The following RPS6KA2 variants were observed in gnomAD, a reference collection of about 807,000 sequenced individuals.
The protein encoded by RPS6KA2 is ribosomal protein S6 kinase A2, also known as ribosomal protein S6 kinase alpha-2.
Under a neutral mutation model 91.8 loss-of-function variants are expected in RPS6KA2, and 42 were observed. The ratio of observed to expected loss-of-function variants is 0.46; its 90% CI spans 0.36 to 0.59. The LOEUF (loss-of-function observed/expected upper bound fraction) is 0.59, where lower values mean the gene tolerates loss of function less well. RPS6KA2 is among the 20% of genes least tolerant of loss of function. RPS6KA2 has a pLI of 0.00. For missense variants in RPS6KA2, 798 were observed against 978.5 expected (o/e 0.82, Z 2.46); for synonymous variants, 414 against 393.6 (o/e 1.05, Z -0.61).
chr6:166,786,111 C>A (rs1401353319), intron 2 of RPS6KA2, among the ~76,000 whole-genome samples: 1 of 152,198 alleles, frequency 6.6e-6, no homozygotes, highest in Admixed American at 6.5e-5. Context: ...AACAGTGACT[C>A]CTCCAATCCA....
At chr6:166,547,779 C>T (rs563796893) in intron 1 of RPS6KA2, among the ~76,000 whole-genome samples, 1 of 152,314 alleles carries the variant, frequency 6.6e-6, no homozygotes, top group Non-Finnish European at 1.5e-5. Flanking sequence ...TAACTGAGTC[C>T]GTGTTTTAGA....
chr6:166,604,981 C>T lies in RPS6KA2; in HGVS notation c.99+21940G>A, dbSNP rs189914414. On this transcript the variant is annotated intron_variant, in intron 1 of 20. Coordinates refer to ENST00000265678, the MANE Select transcript of RPS6KA2 (RefSeq NM_021135.6). ...ATCTATAAGTCTCTAATAGACATTC[C>T]TATTTAAGTTTTAAAATATCATGCT... Among the ~76,000 whole-genome samples the T allele has an allele frequency of 3.7e-4, 57 of 152,104 alleles. No individual in the cohort carries two copies. In the East Asian group the frequency reaches 0.01, roughly 28 times the overall value.
At chr6:166,774,936 G>A (rs1042338288) in intron 2 of RPS6KA2, among the ~76,000 whole-genome samples, 91 of 151,958 alleles carry the variant, frequency 6.0e-4, no homozygotes, top group African/African-American at 2.0e-3. Flanking sequence ...GATGAGCCCC[G>A]TCTTCCAGCT....
At chr6:166,781,390 A>C (rs1164474361) in intron 2 of RPS6KA2, among the ~76,000 whole-genome samples, 1 of 152,178 alleles carries the variant, frequency 6.6e-6, no homozygotes, top group Non-Finnish European at 1.5e-5. Context: ...CCCAGGGAAG[A>C]CTAGCCAACT....
At chr6:166,420,047 A>G in intron 17 of RPS6KA2, 89 bp from the exon 18 acceptor site, 2 of 1,260,902 alleles carry the variant, frequency 1.6e-6, no homozygotes, top group Non-Finnish European at 2.3e-6. Context: ...CTACGCCGGC[A>G]AGCTGGGGAC....
At position 166,504,622 on chromosome 6, in the gene RPS6KA2, AAAAAACAAAAAC is replaced by A. The variant is rs760220715; in HGVS notation, c.460-22_460-11del. ...CCTCCGTGAACATGACCTAGTAAGA[AAAAAACAAAAAC>A]AAAAACAAAAAACGTTTAACTTGTT... On this transcript the variant is annotated splice_polypyrimidine_tract_variant and intron_variant, in intron 5 of 20. Transcript: ENST00000265678. 1.9e-6 allele frequency: 3 copies of A among 1,584,986 alleles called. No homozygotes were observed. The highest frequency in any genetic ancestry group is 2.2e-5 in the East Asian group (1 of 44,764).
intron 2 of RPS6KA2, among the ~76,000 whole-genome samples, chr6:166,779,405 G>C (rs1311402617): frequency 6.6e-6 from 1 of 152,182 alleles, no homozygotes; most frequent in Non-Finnish European, 1.5e-5. Flanking sequence ...AGCCCGGCCC[G>C]CACATGTGGA....
At chr6:166,787,500 C>CA (rs1008866446) in intron 2 of RPS6KA2, among the ~76,000 whole-genome samples, 7 of 149,582 alleles carry the variant, frequency 4.7e-5, no homozygotes, top group African/African-American at 7.4e-5. Context: ...AGAAATGTTC[C>CA]AAAAAAAAAG....
At chr6:166,831,270 T>C (rs1197077191) in intron 2 of RPS6KA2, among the ~76,000 whole-genome samples, 1 of 152,138 alleles carries the variant, frequency 6.6e-6, no homozygotes, top group Non-Finnish European at 1.5e-5. Context: ...GCTCCACGCA[T>C]CCAGGACCGG....
chr6:166,855,481 GA>G (rs1780874110), intron 2 of RPS6KA2, among the ~76,000 whole-genome samples: 3 of 68,092 alleles, frequency 4.4e-5, no homozygotes, highest in Non-Finnish European at 1.0e-4. Flanking sequence ...AGAGGAAGAA[GA>G]AGAAGAGGAA....
intron 2 of RPS6KA2, among the ~76,000 whole-genome samples, chr6:166,534,049 C>T (rs928426778): frequency 2.0e-5 from 3 of 151,800 alleles, no homozygotes; most frequent in African/African-American, 7.3e-5. Flanking sequence ...GGTGAAACTC[C>T]GTCTCTACTA....
intron 2 of RPS6KA2, among the ~76,000 whole-genome samples, chr6:166,752,929 ACT>A (rs1777890163): frequency 6.6e-6 from 1 of 152,036 alleles, no homozygotes; most frequent in African/African-American, 2.4e-5. Flanking sequence ...TTGTCCCCTA[ACT>A]CTGCACCTGG....
At position 166,680,974 on chromosome 6, in the gene RPS6KA2, T is replaced by C. The variant is rs183323104; in HGVS notation, c.124-142190A>G. 2.0e-4 allele frequency among the ~76,000 whole-genome samples: 30 copies of C among 152,356 alleles called. No individual in the cohort carries two copies. The East Asian group carries it at 5.2e-3, about 26-fold the overall frequency. ...TGGAAAGGCCTGTGAGGGACCTGTT[T>C]GGCGTATCGAGTGAGGACTGCTCTT... On this transcript the variant is annotated intron_variant, in intron 2 of 21. Transcript: ENST00000503859.
At chr6:166,608,287 G>T (rs979900510) in intron 1 of RPS6KA2, among the ~76,000 whole-genome samples, 2 of 152,200 alleles carry the variant, frequency 1.3e-5, no homozygotes, top group Non-Finnish European at 2.9e-5. Flanking sequence ...CCAGAGGGTA[G>T]ACAACGCTTC....
At chr6:166,705,620 G>C (rs1463204224) in intron 2 of RPS6KA2, among the ~76,000 whole-genome samples, 1 of 152,088 alleles carries the variant, frequency 6.6e-6, no homozygotes, top group African/African-American at 2.4e-5. Flanking sequence ...AAGAAGGAGA[G>C]AGTCAGAAAA....
At chr6:166,525,406 C>T (rs534798394) in intron 3 of RPS6KA2, among the ~76,000 whole-genome samples, 8 of 152,204 alleles carry the variant, frequency 5.3e-5, no homozygotes, top group Non-Finnish European at 8.8e-5. Context: ...AGGTTGCAAG[C>T]GCACCCCAGC....
intron 12 of RPS6KA2, among the ~76,000 whole-genome samples, chr6:166,453,200 C>G (rs953146507): frequency 2.5e-4 from 27 of 108,076 alleles, no homozygotes; most frequent in African/African-American, 2.1e-3. Context: ...GACTCCATCA[C>G]ACACACACAC....
chr6:166,425,323 C>T (rs992743488), intron 16 of RPS6KA2, among the ~76,000 whole-genome samples: 4 of 151,916 alleles, frequency 2.6e-5, no homozygotes, highest in African/African-American at 7.3e-5. Context: ...AAAGGAACAA[C>T]AGGTACCAGC....
intron 2 of RPS6KA2, among the ~76,000 whole-genome samples, chr6:166,813,791 C>T (rs560558909): frequency 6.6e-6 from 1 of 152,138 alleles, no homozygotes; most frequent in Non-Finnish European, 1.5e-5. Flanking sequence ...ACTCTTGGAA[C>T]ATTATTCTTT....
Sources: allele counts gnomAD v4.1 joint callset (sites outside exome capture counted in the v4.1 genomes callset), GRCh38; gene constraint gnomAD v4.1.1; transcripts MANE v1.5; gene names NCBI Gene and HGNC (gene_info 2026-07-23, HGNC 2026-07-21).